ALG9: variants seen among roughly 807,000 people sequenced by gnomAD.
The protein encoded by ALG9 is ALG9 alpha-1,2-mannosyltransferase, also known as alpha-1,2-mannosyltransferase ALG9.
ALG9 carries 55 observed loss-of-function variants against 81.8 expected under a neutral mutation model. The observed-to-expected ratio is 0.67, with a 90% confidence interval of 0.54 to 0.84. The LOEUF (loss-of-function observed/expected upper bound fraction) is 0.84, where lower values mean the gene tolerates loss of function less well. Among genes scored for constraint, ALG9 ranks in the 40% least tolerant of loss-of-function variants. ALG9 has a pLI of 0.00. For missense variants in ALG9, 629 were observed against 745.0 expected (o/e 0.84, Z 1.81); for synonymous variants, 278 against 274.3 (o/e 1.01, Z -0.13).
intron 9 of ALG9, among the ~76,000 whole-genome samples, chr11:111,843,306 AT>A (rs1956498185): frequency 6.6e-6 from 1 of 152,250 alleles, no homozygotes; most frequent in South Asian, 2.1e-4. Flanking sequence ...CTTAAGAAAT[AT>A]AACACTAAAT....
At chr11:111,864,502 C>A in intron 4 of ALG9, 1 of 689,792 alleles carries the variant, frequency 1.4e-6, no homozygotes, top group East Asian at 2.7e-5. Context: ...TTCTTATGAT[C>A]CAGTGGATAT....
At chr11:111,829,338 G>A (rs1167302378) in intron 13 of ALG9, 2 of 152,056 alleles carry the variant, frequency 1.3e-5, no homozygotes, top group African/African-American at 4.8e-5. Context: ...ACCAGCTGTC[G>A]AAGCTAAAAA....
chr11:111,850,101 A>T (rs1957531292), intron 8 of ALG9, among the ~76,000 whole-genome samples: 2 of 152,206 alleles, frequency 1.3e-5, no homozygotes, highest in Admixed American at 1.3e-4. Flanking sequence ...AATTATAATA[A>T]AATTAGCTGA....
At position 111,805,359 on chromosome 11, in the gene ALG9, G is replaced by A. The variant is rs1295064976; in HGVS notation, c.1733+4284C>T. 3 of 455,242 alleles carry A rather than the reference G, an allele frequency of 6.6e-6. No homozygotes were observed. The Admixed American group carries it at 7.1e-5, about 11-fold the overall frequency. The allele number at this position is 455,242 out of a possible 1,614,324, so 28.2% of individuals were successfully genotyped here. A position where few individuals can be genotyped will look rare whatever the true frequency, so the allele number is the denominator to read the frequency against. On this transcript the variant is annotated intron_variant, in intron 14 of 14. Transcript: ENST00000616540. The stretch of plus-strand genomic sequence containing the variant: ...TGTTGTTTAAGCCACCCAGTTTATG[G>A]TCATTTGTTATAGCAGTCTGAACTA...
intron 10 of ALG9, among the ~76,000 whole-genome samples, chr11:111,838,717 A>C (rs1955735124): frequency 1.3e-5 from 2 of 152,206 alleles, no homozygotes; most frequent in African/African-American, 2.4e-5. Context: ...TGATATATAA[A>C]GTATTCCAAT....
At chr11:111,801,056 C>T (rs572685128) in intron 14 of ALG9, among the ~76,000 whole-genome samples, 1 of 152,232 alleles carries the variant, frequency 6.6e-6, no homozygotes, top group African/African-American at 2.4e-5. Context: ...AGGTGTGCAG[C>T]CCCATCTTAT....
intron 8 of ALG9, among the ~76,000 whole-genome samples, chr11:111,851,460 A>G (rs1362108093): frequency 2.1e-5 from 3 of 145,448 alleles, no homozygotes; most frequent in African/African-American, 7.7e-5. Flanking sequence ...CTGGGTGACA[A>G]GAGCGAAACT....
intron 14 of ALG9, among the ~76,000 whole-genome samples, chr11:111,809,155 C>T (rs1407047953): frequency 1.3e-5 from 2 of 152,140 alleles, no homozygotes; most frequent in Non-Finnish European, 2.9e-5. Flanking sequence ...TTCACTTGGG[C>T]GAAACCAGAA....
chr11:111,843,084 T>G (rs1248219966), intron 9 of ALG9, among the ~76,000 whole-genome samples: 1 of 152,174 alleles, frequency 6.6e-6, no homozygotes, highest in East Asian at 1.9e-4. Context: ...TGCTCCCAGC[T>G]ATCATAAATT....
chr11:111,846,071 T>C (rs530702304), intron 8 of ALG9, among the ~76,000 whole-genome samples: 10 of 152,376 alleles, frequency 6.6e-5, no homozygotes, highest in South Asian at 4.1e-4. Context: ...ATTTGGGTTA[T>C]AGAAAACTAA....
At chr11:111,833,082 A>C (rs1378657856) in intron 13 of ALG9, among the ~76,000 whole-genome samples, 3 of 152,188 alleles carry the variant, frequency 2.0e-5, no homozygotes, top group Admixed American at 2.0e-4. Flanking sequence ...CTTAAGCATT[A>C]AATTAAAGTC....
intron 14 of ALG9, chr11:111,788,387 T>C (rs7116280): frequency 0.27 from 123,084 of 453,458 alleles, 17,115 homozygotes; most frequent in Middle Eastern, 0.33. Context: ...AGAAGAGACA[T>C]GAGACAAAGC....
Position 111,825,816 on chromosome 11 carries a change from G to T in ALG9, c.1602+10349C>A, listed in dbSNP as rs561069775. 2.6e-5 allele frequency among the ~76,000 whole-genome samples: 4 copies of T among 152,222 alleles called. No homozygotes were observed. In the East Asian group the frequency reaches 7.7e-4, roughly 29 times the overall value. ...TAATCCCAGCACTTTGGGAGGCCAAGGTGGGCGGATCACCAGGAAACACCT... is the reference window on the plus strand; with the variant it reads ...TAATCCCAGCACTTTGGGAGGCCAATGTGGGCGGATCACCAGGAAACACCT... On this transcript the variant is annotated intron_variant, in intron 13 of 14. Coordinates refer to ENST00000616540, the MANE Select transcript of ALG9 (RefSeq NM_024740.2).
chr11:111,838,345 G>C lies in ALG9; in HGVS notation c.1228C>G (p.Leu410Val). ...TTCGATGTCACAGTATAGTGCTCCAGGCGATATCGTTGAAACACAAAGTGG... is the reference window on the plus strand; with the variant it reads ...TTCGATGTCACAGTATAGTGCTCCACGCGATATCGTTGAAACACAAAGTGG... The part of the protein sequence containing the change: ...CYHFVFQRYR[L>V]EHYTVTSNWL... The change falls in exon 11 of 15, where the codon CTG becomes GTG. Residue 410 changes from leucine (L) to valine (V), a missense_variant. Coordinates refer to ENST00000616540, the MANE Select transcript of ALG9 (RefSeq NM_024740.2). 6.2e-7 allele frequency: 1 copy of C among 1,613,812 alleles called. No homozygotes were observed. Among genetic ancestry groups the C allele is most frequent in the Non-Finnish European group, 8.5e-7 (1 of 1,179,730 alleles).
intron 11 of ALG9, 129 bp from the exon 12 acceptor site, chr11:111,837,744 C>T: frequency 1.9e-6 from 2 of 1,049,414 alleles, no homozygotes; most frequent in Non-Finnish European, 2.9e-6. Context: ...CATAGCCATT[C>T]CAGCATGAAG....
At chr11:111,821,558 A>G (rs1952379580) in intron 13 of ALG9, among the ~76,000 whole-genome samples, 1 of 152,122 alleles carries the variant, frequency 6.6e-6, no homozygotes, top group African/African-American at 2.4e-5. Context: ...TCTTACAGAA[A>G]TGGTCCACTC....
At chr11:111,775,748 CT>C in the ALG9 span, among the ~76,000 whole-genome samples, 1 of 152,144 alleles carries the variant, frequency 6.6e-6, no homozygotes, top group Non-Finnish European at 1.5e-5. Flanking sequence ...AGTGAAACAA[CT>C]TTGACTACAT....
In ALG9 at chr11:111,827,434, A is replaced by T. The variant is rs970662843; in HGVS notation, c.1602+8731T>A. On this transcript the variant is annotated intron_variant, in intron 13 of 14. Coordinates refer to ENST00000616540, the MANE Select transcript of ALG9 (RefSeq NM_024740.2). ...GAGGTTGCAGTGGGTCGAGATGGGCAATAAGAGTGAAAGTCTCAAAAGAAG... is the reference window on the plus strand; with the variant it reads ...GAGGTTGCAGTGGGTCGAGATGGGCTATAAGAGTGAAAGTCTCAAAAGAAG... 7.9e-5 allele frequency among the ~76,000 whole-genome samples: 12 copies of T among 152,238 alleles called. No individual in the cohort carries two copies. The East Asian group carries it at 1.6e-3, about 20-fold the overall frequency.
intron 13 of ALG9, among the ~76,000 whole-genome samples, chr11:111,815,150 A>G (rs1951290880): frequency 6.6e-6 from 1 of 152,160 alleles, no homozygotes; most frequent in African/African-American, 2.4e-5. Flanking sequence ...TTATCATATC[A>G]TCCCTAAGCA....
Sources: allele counts gnomAD v4.1 joint callset (sites outside exome capture counted in the v4.1 genomes callset), GRCh38; gene constraint gnomAD v4.1.1; transcripts MANE v1.5; gene names NCBI Gene and HGNC (gene_info 2026-07-23, HGNC 2026-07-21).